BACE2: variants seen among roughly 807,000 people sequenced by gnomAD.
The protein encoded by BACE2 is 56 kDa aspartic-like protease.
In BACE2, 17 loss-of-function variants were observed where a neutral mutation model predicts 46.2. The observed-to-expected ratio is 0.37, with a 90% confidence interval of 0.25 to 0.55. BACE2 has a LOEUF of 0.55. BACE2 is among the 20% of genes least tolerant of loss of function. BACE2 has a pLI of 0.82. For missense variants in BACE2, 595 were observed against 698.1 expected (o/e 0.85, Z 1.66); for synonymous variants, 277 against 295.9 (o/e 0.94, Z 0.66).
intron 1 of BACE2, among the ~76,000 whole-genome samples, chr21:41,202,629 A>G (rs547387687): frequency 6.6e-6 from 1 of 152,332 alleles, no homozygotes; most frequent in African/African-American, 2.4e-5. Flanking sequence ...AAAAGGGAGA[A>G]CGTGGTGAAA....
chr21:41,276,985 G>A lies in BACE2; in HGVS notation c.*1361G>A, dbSNP rs544918995. On this transcript the variant is annotated 3_prime_UTR_variant, in exon 9 of 9. Coordinates refer to ENST00000330333, the MANE Select transcript of BACE2 (RefSeq NM_012105.5). ...AAAGAAAAGTGGAAGCCGTTTCCTT[G>A]ACATAGCCTTATATGACCTGATGTC... 1 of 152,186 alleles carries A rather than the reference G, an allele frequency of 6.6e-6. No individual in the cohort carries two copies. The highest frequency in any genetic ancestry group is 2.1e-4 in the South Asian group (1 of 4,820). The allele number at this position is 152,186 out of a possible 1,614,324, so 9.4% of individuals were successfully genotyped here.
At chr21:41,245,880 G>T in intron 5 of BACE2, 82 bp from the exon 6 acceptor site, 2 of 993,890 alleles carry the variant, frequency 2.0e-6, no homozygotes, top group Non-Finnish European at 1.5e-6. Context: ...GTAACAGACA[G>T]ATGGTGATGG....
At chr21:41,266,358 C>T (rs903002392) in intron 8 of BACE2, among the ~76,000 whole-genome samples, 6 of 152,132 alleles carry the variant, frequency 3.9e-5, no homozygotes, top group Non-Finnish European at 7.4e-5. Flanking sequence ...ACTTTTTTCT[C>T]GTTTGCTTTG....
chr21:41,210,868 T>C (rs541625908), intron 1 of BACE2, among the ~76,000 whole-genome samples: 3 of 152,328 alleles, frequency 2.0e-5, no homozygotes, highest in East Asian at 1.9e-4. Flanking sequence ...CCTTCATGAA[T>C]ATTCATAGTT....
At chr21:41,168,986 TC>T (rs1039087510) in intron 1 of BACE2, among the ~76,000 whole-genome samples, 6 of 60,604 alleles carry the variant, frequency 9.9e-5, no homozygotes, top group Non-Finnish European at 2.0e-4. Context: ...ATACCCTCCC[TC>T]CCCCCCGCCC....
chr21:41,185,031 T>G (rs1240807495), intron 1 of BACE2: 3 of 167,066 alleles, frequency 1.8e-5, no homozygotes, highest in South Asian at 4.1e-4. Context: ...AAATTTGAAT[T>G]TGCTCCAATA....
chr21:41,274,771 A>G (rs1354430222), intron 8 of BACE2, among the ~76,000 whole-genome samples: 1 of 152,168 alleles, frequency 6.6e-6, no homozygotes, highest in Non-Finnish European at 1.5e-5. Context: ...GACCTAGGAT[A>G]AGAGTGGGGC....
intron 2 of BACE2, among the ~76,000 whole-genome samples, chr21:41,230,766 G>A (rs746292565): frequency 5.3e-5 from 8 of 152,066 alleles, no homozygotes; most frequent in Admixed American, 6.5e-5. Context: ...TTGTGAGCTC[G>A]TCTTTATCAG....
At chr21:41,221,827 CAAAAAAA>C (rs58502168) in intron 1 of BACE2, among the ~76,000 whole-genome samples, 12,374 of 98,692 alleles carry the variant, frequency 0.13, 1,449 homozygotes, top group African/African-American at 0.31. Flanking sequence ...GACTCTGTCT[CAAAAAAA>C]AAAAAAAAAA....
intron 1 of BACE2, among the ~76,000 whole-genome samples, chr21:41,213,811 G>T (rs564102257): frequency 2.6e-5 from 4 of 151,714 alleles, no homozygotes; most frequent in Non-Finnish European, 4.4e-5. Context: ...GGCAGGGCCC[G>T]GCATGGGGAG....
rs371178140 is a variant in BACE2 at position 41,241,794 on chromosome 21, G to A, written c.619-25G>A. ...TCTACACTGTGAGTCCTAAGCGGGTGCCCCTCTCTGTCGCCCTCCCGCAGC... is the reference window on the plus strand; with the variant it reads ...TCTACACTGTGAGTCCTAAGCGGGTACCCCTCTCTGTCGCCCTCCCGCAGC... On this transcript the variant is annotated intron_variant, in intron 3 of 8. Transcript: ENST00000330333. The A allele has an allele frequency of 1.9e-5, 30 of 1,613,634 alleles. No homozygotes were observed. The East Asian group carries it at 5.1e-4, about 28-fold the overall frequency.
intron 3 of BACE2, among the ~76,000 whole-genome samples, chr21:41,241,565 C>T (rs376178666): frequency 5.9e-5 from 9 of 152,254 alleles, no homozygotes; most frequent in African/African-American, 1.9e-4. Flanking sequence ...GATGTGACTG[C>T]GTCGAATGGC....
At chr21:41,242,412 T>G (rs2123603289) in intron 4 of BACE2, among the ~76,000 whole-genome samples, 1 of 152,022 alleles carries the variant, frequency 6.6e-6, no homozygotes, top group East Asian at 1.9e-4. Flanking sequence ...TGAAACAGAA[T>G]CAAGGCCGTC....
At chr21:41,240,619 A>G (rs1987258416) in intron 3 of BACE2, among the ~76,000 whole-genome samples, 1 of 152,228 alleles carries the variant, frequency 6.6e-6, no homozygotes, top group Admixed American at 6.5e-5. Flanking sequence ...CCGCCTCTCA[A>G]GAAGGTGGGT....
At position 41,196,335 on chromosome 21, in the gene BACE2, G is replaced by C. The variant is rs979475326; in HGVS notation, c.312+27760G>C. 2.6e-5 allele frequency among the ~76,000 whole-genome samples: 4 copies of C among 151,436 alleles called. No homozygotes were observed. In the East Asian group the frequency reaches 7.7e-4, roughly 29 times the overall value. Reference sequence around the variant, plus strand: ...AAAACCAAAAAAAAAAAAAGAGAGAGAGAGAGAAATCCAATTCTGGAAGTC... The same window carrying C: ...AAAACCAAAAAAAAAAAAAGAGAGACAGAGAGAAATCCAATTCTGGAAGTC... On this transcript the variant is annotated intron_variant, in intron 1 of 8. Coordinates refer to ENST00000330333, the MANE Select transcript of BACE2 (RefSeq NM_012105.5).
chr21:41,271,149 T>G (rs1405098922), intron 8 of BACE2, among the ~76,000 whole-genome samples: 1 of 152,148 alleles, frequency 6.6e-6, no homozygotes. Context: ...AATATGATAG[T>G]TTTTTTCCAT....
At chr21:41,218,172 A>C (rs1986531757) in intron 1 of BACE2, among the ~76,000 whole-genome samples, 1 of 152,234 alleles carries the variant, frequency 6.6e-6, no homozygotes, top group Non-Finnish European at 1.5e-5. Context: ...TAATATAAAC[A>C]ATACAACTAT....
chr21:41,261,801 A>T (rs1568891798), intron 8 of BACE2, among the ~76,000 whole-genome samples: 1 of 151,932 alleles, frequency 6.6e-6, no homozygotes, highest in African/African-American at 2.4e-5. Flanking sequence ...GATTTTTCCA[A>T]TTTTTTTATT....
intron 1 of BACE2, chr21:41,184,914 T>A (rs1162654791): frequency 6.0e-6 from 1 of 167,042 alleles, no homozygotes; most frequent in East Asian, 1.9e-4. Context: ...TCGTAAAATA[T>A]CACTATAGTA....
Sources: allele counts gnomAD v4.1 joint callset (sites outside exome capture counted in the v4.1 genomes callset), GRCh38; gene constraint gnomAD v4.1.1; transcripts MANE v1.5; gene names NCBI Gene and HGNC (gene_info 2026-07-23, HGNC 2026-07-21).